Variants in SLC26A3 observed in about 807,000 individuals in gnomAD.
SLC26A3 encodes the protein chloride anion exchanger.
A neutral mutation model predicts 85.6 loss-of-function variants in SLC26A3; 64 were observed. The observed-to-expected ratio is 0.75, with a 90% CI of 0.61 to 0.92. SLC26A3 has a LOEUF of 0.92. Ranked by LOEUF, SLC26A3 falls within the 40% of genes least tolerant of loss-of-function variation. SLC26A3 has a pLI of 0.00. For synonymous variants in SLC26A3, 349 were observed against 336.0 expected (o/e 1.04, Z -0.42); for missense variants, 922 against 927.3 (o/e 0.99, Z 0.07).
At chr7:107,778,379 T>TTTTTTG in intron 12 of SLC26A3, 98 bp from the exon 13 acceptor site, 1 of 779,824 alleles carries the variant, frequency 1.3e-6, no homozygotes, top group Non-Finnish European at 2.1e-6. Flanking sequence ...TTTTTTTTTG[T>TTTTTTG]AGCGACAGTG....
intron 15 of SLC26A3, 59 bp downstream of exon 15, chr7:107,776,393 G>A (rs1286243771): frequency 3.0e-6 from 4 of 1,323,872 alleles, no homozygotes; most frequent in Non-Finnish European, 4.4e-6. Flanking sequence ...ACAGAACAAT[G>A]ACATTCCCAG....
chr7:107,770,042 CTT>C (rs1395743971), intron 18 of SLC26A3, among the ~76,000 whole-genome samples: 2 of 105,434 alleles, frequency 1.9e-5, no homozygotes, highest in South Asian at 2.8e-4. Flanking sequence ...TTCTTTCTTT[CTT>C]TCTTTCTCTT....
At chr7:107,767,677 G>T (rs1337542099) in intron 19 of SLC26A3, 33 bp from the exon 20 acceptor site, 2 of 1,603,206 alleles carry the variant, frequency 1.2e-6, no homozygotes, top group Admixed American at 1.7e-5. Context: ...ATGGATTAGG[G>T]GCTGATTTTT....
At chr7:107,767,329 A>G (rs1189934343) in intron 20 of SLC26A3, among the ~76,000 whole-genome samples, 1 of 152,234 alleles carries the variant, frequency 6.6e-6, no homozygotes, top group African/African-American at 2.4e-5. Flanking sequence ...AAAAGAAGAT[A>G]TGCTCAATAT....
At chr7:107,791,801 A>T in intron 4 of SLC26A3, 29 bp downstream of exon 4, 1 of 1,338,470 alleles carries the variant, frequency 7.5e-7, no homozygotes, top group South Asian at 1.2e-5. Context: ...AAACAATGTG[A>T]GCATTAATCA....
chr7:107,769,855 C>T (rs946963294), intron 18 of SLC26A3, among the ~76,000 whole-genome samples: 1 of 152,062 alleles, frequency 6.6e-6, no homozygotes, highest in African/African-American at 2.4e-5. Flanking sequence ...CTTGTCTCCT[C>T]TCCCTAAAAA....
intron 17 of SLC26A3, 74 bp downstream of exon 17, chr7:107,773,846 C>T: frequency 7.8e-7 from 1 of 1,280,376 alleles, no homozygotes; most frequent in Non-Finnish European, 1.1e-6. Flanking sequence ...CCACTGTGCC[C>T]AGCCCACAAA....
At chr7:107,792,073 G>A in intron 3 of SLC26A3, 133 bp from the exon 4 acceptor site, 3 of 627,040 alleles carry the variant, frequency 4.8e-6, no homozygotes, top group Admixed American at 5.0e-5. Flanking sequence ...TATTAAAGAT[G>A]TAAATGTAAG....
intron 17 of SLC26A3, among the ~76,000 whole-genome samples, chr7:107,772,760 ATGTG>A (rs142656843): frequency 6.6e-6 from 1 of 151,236 alleles, no homozygotes; most frequent in African/African-American, 2.4e-5. Context: ...CAAAAAATAA[ATGTG>A]TGTGTGTGTG....
At position 107,786,799 on chromosome 7, in the gene SLC26A3, G is replaced by C. The variant is rs1217891521; in HGVS notation, c.971+28C>G. On this transcript the variant is annotated intron_variant, in intron 8 of 20. Transcript: ENST00000340010. ...CTGCTAACTCTCTGCTTAGTGCATG[G>C]TGATGCCATCATCGAAGACACACTT... 3.2e-6 allele frequency: 5 copies of C among 1,575,890 alleles called. No homozygotes were observed. The African/African-American group carries it at 6.7e-5, about 21-fold the overall frequency.
At chr7:107,791,623 T>A (rs999544942) in intron 4 of SLC26A3, among the ~76,000 whole-genome samples, 16 of 124,846 alleles carry the variant, frequency 1.3e-4, no homozygotes, top group African/African-American at 2.4e-4. Flanking sequence ...AAAAAATAAA[T>A]AAAAATAAAT....
chr7:107,800,773 T>C (rs889633831), intron 1 of SLC26A3, among the ~76,000 whole-genome samples: 1 of 152,194 alleles, frequency 6.6e-6, no homozygotes, highest in African/African-American at 2.4e-5. Context: ...GTGCAGATAA[T>C]AAATTGGAAG....
At chr7:107,767,108 C>T (rs1387250235) in intron 20 of SLC26A3, among the ~76,000 whole-genome samples, 7 of 152,130 alleles carry the variant, frequency 4.6e-5, no homozygotes, top group African/African-American at 1.7e-4. Flanking sequence ...GAATTGGCAA[C>T]TCACTCTAGT....
intron 1 of SLC26A3, among the ~76,000 whole-genome samples, chr7:107,797,904 G>C (rs964555347): frequency 6.6e-6 from 1 of 151,862 alleles, no homozygotes; most frequent in African/African-American, 2.4e-5. Context: ...CTTTTTTCTG[G>C]TTCCTGGAAT....
chr7:107,799,440 G>C (rs1461501670), intron 1 of SLC26A3, among the ~76,000 whole-genome samples: 1 of 152,080 alleles, frequency 6.6e-6, no homozygotes, highest in Non-Finnish European at 1.5e-5. Context: ...GTGGAGGCTG[G>C]AGTGCAGTGG....
chr7:107,768,027 A>T, intron 18 of SLC26A3, 119 bp from the exon 19 acceptor site: 1 of 897,894 alleles, frequency 1.1e-6, no homozygotes, highest in Non-Finnish European at 1.8e-6. Flanking sequence ...CATTTGGTTA[A>T]GTGTGTGTGG....
intron 11 of SLC26A3, among the ~76,000 whole-genome samples, chr7:107,780,678 C>T (rs1186904359): frequency 6.6e-6 from 1 of 152,134 alleles, no homozygotes; most frequent in Non-Finnish European, 1.5e-5. Flanking sequence ...CTGCCTATTT[C>T]TAATTTTCAC....
intron 3 of SLC26A3, 35 bp from the exon 4 acceptor site, chr7:107,791,975 TG>T (rs1562881254): frequency 8.0e-7 from 1 of 1,256,504 alleles, no homozygotes; most frequent in Non-Finnish European, 1.2e-6. Flanking sequence ...CCTTACTCTG[TG>T]CAAGAGGAAT....
At chr7:107,789,321 T>G (rs1219194982) in intron 6 of SLC26A3, among the ~76,000 whole-genome samples, 1 of 151,322 alleles carries the variant, frequency 6.6e-6, no homozygotes, top group Admixed American at 6.6e-5. Context: ...GGGGTTTCAC[T>G]GTGTTAGCCA....
Sources: allele counts gnomAD v4.1 joint callset (sites outside exome capture counted in the v4.1 genomes callset), GRCh38; gene constraint gnomAD v4.1.1; transcripts MANE v1.5; gene names NCBI Gene and HGNC (gene_info 2026-07-23, HGNC 2026-07-21).